SLC11A1: variants seen among roughly 807,000 people sequenced by gnomAD.
The protein encoded by SLC11A1 is solute carrier family 11 member 1.
Under a neutral mutation model 63.2 loss-of-function variants are expected in SLC11A1, and 59 were observed. That is an observed-to-expected ratio of 0.93 (90% CI 0.76 to 1.16). SLC11A1 has a LOEUF of 1.16. SLC11A1 is among the 50% of genes most tolerant of loss of function. The probability of loss-of-function intolerance (pLI) is 0.00; values close to 1 mark genes in which losing one functional copy is unlikely to be tolerated. For synonymous variants in SLC11A1, 305 were observed against 307.8 expected (o/e 0.99, Z 0.09); for missense variants, 688 against 730.7 (o/e 0.94, Z 0.67).
chr2:218,394,061 C>G (rs1325378017), intron 12 of SLC11A1, 59 bp from the exon 13 acceptor site: 3 of 1,581,784 alleles, frequency 1.9e-6, no homozygotes, highest in African/African-American at 1.3e-5. Context: ...ATCTTGCCCC[C>G]ACCCTTGCCA....
chr2:218,393,410 C>T (rs1182266818), intron 12 of SLC11A1, among the ~76,000 whole-genome samples: 1 of 150,966 alleles, frequency 6.6e-6, no homozygotes, highest in Non-Finnish European at 1.5e-5. Flanking sequence ...CTGTCTCTAG[C>T]AATCTTCCCA....
intron 4 of SLC11A1, 105 bp downstream of exon 4, chr2:218,385,371 C>G: frequency 6.7e-7 from 1 of 1,499,858 alleles, no homozygotes; most frequent in Middle Eastern, 1.7e-4. Flanking sequence ...ATGGGGCATC[C>G]CAAGTCTGTT....
At chr2:218,389,737 C>A in intron 8 of SLC11A1, 133 bp from the exon 9 acceptor site, 1 of 856,466 alleles carries the variant, frequency 1.2e-6, no homozygotes, top group Non-Finnish European at 1.8e-6. Context: ...CTGACCTGAA[C>A]CTGCCCCAGA....
Position 218,396,675 on chromosome 2 carries a change from G to C in SLC11A1, c.*1640G>C, listed in dbSNP as rs1389834687. 2 of 152,814 alleles carry C rather than the reference G, an allele frequency of 1.3e-5. No individual in the cohort carries two copies. Among genetic ancestry groups the C allele is most frequent in the African/African-American group, 2.4e-5 (1 of 41,486 alleles). 9.5% of individuals were successfully genotyped at this position (152,814 alleles called of 1,614,324 possible). ...AGGGCCGCCCGCCTCCTCTGGGTTTGGCACTGGAGAAGATGGGTCCATGCC... is the reference window on the plus strand; with the variant it reads ...AGGGCCGCCCGCCTCCTCTGGGTTTCGCACTGGAGAAGATGGGTCCATGCC... On this transcript the variant is annotated 3_prime_UTR_variant, in exon 15 of 15. Coordinates refer to ENST00000233202, the MANE Select transcript of SLC11A1 (RefSeq NM_000578.4).
chr2:218,394,129 G>GC lies in SLC11A1; in HGVS notation c.1326dup (p.Val443ArgfsTer99). The GC allele has an allele frequency of 6.2e-7, 1 of 1,614,038 alleles. No individual in the cohort carries two copies. The highest frequency in any genetic ancestry group is 8.5e-7 in the Non-Finnish European group (1 of 1,179,984). On this transcript the variant is annotated frameshift_variant, in exon 13 of 15. Transcript: ENST00000233202. LOFTEE classifies it high-confidence loss of function. ...CTGCTGCTCTCCCCAGCTCCCGTTC[G>GC]CCGTGCTGCCCATCCTCACGTTCAC...
intron 11 of SLC11A1, chr2:218,392,193 C>T: frequency 3.1e-6 from 1 of 320,484 alleles, no homozygotes; most frequent in Non-Finnish European, 6.4e-6. Context: ...GCCTCAGCCT[C>T]CTGACCAGCT....
chr2:218,389,847 C>A (rs762463901), intron 8 of SLC11A1, 23 bp from the exon 9 acceptor site: 1 of 1,593,310 alleles, frequency 6.3e-7, no homozygotes, highest in South Asian at 1.1e-5. Context: ...TTTGGCACTT[C>A]CCTCTCCCTT....
At position 218,392,173 on chromosome 2, in the gene SLC11A1, C is replaced by G. The variant is rs1005338786; in HGVS notation, c.1164+678C>G. On this transcript the variant is annotated intron_variant, in intron 11 of 14. Coordinates refer to ENST00000233202, the MANE Select transcript of SLC11A1 (RefSeq NM_000578.4). ...GCAACCTCCACCTCCTGGGTTCAAG[C>G]AATTCTCCTGCCTCAGCCTCCTGAC... 7.1e-5 allele frequency: 25 copies of G among 350,926 alleles called. No individual in the cohort carries two copies. The Admixed American group carries it at 8.0e-4, about 11-fold the overall frequency. 21.7% of individuals were successfully genotyped at this position (350,926 alleles called of 1,614,324 possible).
intron 12 of SLC11A1, 94 bp downstream of exon 12, chr2:218,393,224 C>T: frequency 7.8e-7 from 1 of 1,277,246 alleles, no homozygotes; most frequent in South Asian, 1.7e-5. Context: ...GCCTGCCAGG[C>T]CCTGTCCCAG....
intron 12 of SLC11A1, among the ~76,000 whole-genome samples, chr2:218,393,917 C>G (rs1185630522): frequency 6.6e-6 from 1 of 152,124 alleles, no homozygotes; most frequent in African/African-American, 2.4e-5. Context: ...CCGAAGCAAC[C>G]TGGTGCCAGA....
Position 218,387,968 on chromosome 2 carries a change from G to A in SLC11A1, c.795+13G>A. 6.3e-7 allele frequency: 1 copy of A among 1,584,392 alleles called. No individual in the cohort carries two copies. The highest frequency in any genetic ancestry group is 8.6e-7 in the Non-Finnish European group (1 of 1,163,278). ...GGCCCTGGTCAAGGTGAGCAGAGGG[G>A]AGGGGAAAGGAGACCCCCTCACTCA... On this transcript the variant is annotated intron_variant, in intron 8 of 14. Coordinates refer to ENST00000233202, the MANE Select transcript of SLC11A1 (RefSeq NM_000578.4).
intron 4 of SLC11A1, among the ~76,000 whole-genome samples, chr2:218,386,345 G>C (rs1574764941): frequency 6.6e-6 from 1 of 151,984 alleles, no homozygotes; most frequent in African/African-American, 2.4e-5. Flanking sequence ...CCAGCTACTC[G>C]GGAGGCTGAG....
rs1004227674 is a variant in SLC11A1 at position 218,395,002 on chromosome 2, T to C, written c.1620T>C (p.Leu540=). ...ACCACCACTTCCTGTATGGGCTCCT[T>C]GAAGAGGACCAGAAAGGGGAGACCT... is the stretch of plus-strand genomic sequence containing the variant. ...SSHHHFLYGL[L]EEDQKGETSG is the part of the protein sequence containing the mutation. The change falls in exon 15 of 15, where the codon CTT becomes CTC. Residue 540 remains leucine, a synonymous_variant. Transcript: ENST00000233202. 3 of 1,611,414 alleles carry C rather than the reference T, an allele frequency of 1.9e-6. No individual in the cohort carries two copies. Among genetic ancestry groups the C allele is most frequent in the Non-Finnish European group, 2.5e-6 (3 of 1,178,808 alleles).
intron 6 of SLC11A1, 32 bp from the exon 7 acceptor site, chr2:218,387,533 G>A (rs1284814337): frequency 6.2e-7 from 1 of 1,607,738 alleles, no homozygotes; most frequent in East Asian, 2.2e-5. Context: ...TTTTTTCGTT[G>A]GTTTGTTTAG....
At chr2:218,393,823 G>A (rs1471131811) in intron 12 of SLC11A1, among the ~76,000 whole-genome samples, 1 of 150,000 alleles carries the variant, frequency 6.7e-6, no homozygotes, top group African/African-American at 2.5e-5. Flanking sequence ...CATTATGTTT[G>A]TTGCCCAGGC....
rs1301665264 is a variant in SLC11A1, at chr2:218,396,074, A to C, written c.*1039A>C. On this transcript the variant is annotated 3_prime_UTR_variant, in exon 15 of 15. Coordinates refer to ENST00000233202, the MANE Select transcript of SLC11A1 (RefSeq NM_000578.4). The stretch of plus-strand genomic sequence containing the variant: ...CGCCGTTACCGCTCCCTCTCTGCTG[A>C]CTGCTCCCCCTAGGGGCAGAGACGG... The C allele has an allele frequency of 1.3e-5, 2 of 152,210 alleles. No homozygotes were observed. Among genetic ancestry groups the C allele is most frequent in the Admixed American group, 6.5e-5 (1 of 15,270 alleles). 9.4% of individuals were successfully genotyped at this position (152,210 alleles called of 1,614,324 possible). A position where few individuals can be genotyped will look rare whatever the true frequency, so the allele number is the denominator to read the frequency against.
Position 218,394,134 on chromosome 2 carries a change from G to A in SLC11A1, c.1329G>A (p.Val443=). The change falls in exon 13 of 15, where the codon GTG becomes GTA. Residue 443 remains valine (V), a synonymous_variant. Transcript: ENST00000233202. ...VLQSLLLPFA[V]LPILTFTSMP... is the part of the protein sequence containing the mutation. ...GCTCTCCCCAGCTCCCGTTCGCCGT[G>A]CTGCCCATCCTCACGTTCACCAGCA... 1 of 1,614,070 alleles carries A rather than the reference G, an allele frequency of 6.2e-7. No individual in the cohort carries two copies. The highest frequency in any genetic ancestry group is 8.5e-7 in the Non-Finnish European group (1 of 1,180,002).
intron 4 of SLC11A1, among the ~76,000 whole-genome samples, chr2:218,386,191 G>A (rs972147849): frequency 1.3e-5 from 2 of 152,172 alleles, no homozygotes; most frequent in Non-Finnish European, 2.9e-5. Context: ...GGTGGCTCAC[G>A]CCTGTAATCC....
chr2:218,391,259 C>T lies in SLC11A1; in HGVS notation c.1016C>T (p.Ala339Val). The part of the protein sequence containing the change: ...DYAKIFPMNN[A>V]TVAVDIYQGG... ...GCCAAGATCTTCCCCATGAACAACGCCACCGTGGCCGTGGACATTTACCAG... is the reference window on the plus strand; with the variant it reads ...GCCAAGATCTTCCCCATGAACAACGTCACCGTGGCCGTGGACATTTACCAG... Residue 339 changes from alanine (A) to valine (V), a missense_variant, in exon 10 of 15, where the codon GCC becomes GTC. Coordinates refer to ENST00000233202, the MANE Select transcript of SLC11A1 (RefSeq NM_000578.4). 1 of 1,614,044 alleles carries T rather than the reference C, an allele frequency of 6.2e-7. No homozygotes were observed. Among genetic ancestry groups the T allele is most frequent in the South Asian group, 1.1e-5 (1 of 91,072 alleles).
Sources: allele counts gnomAD v4.1 joint callset (sites outside exome capture counted in the v4.1 genomes callset), GRCh38; gene constraint gnomAD v4.1.1; transcripts MANE v1.5; gene names NCBI Gene and HGNC (gene_info 2026-07-23, HGNC 2026-07-21).